Variants in PDE10A observed in about 807,000 individuals in gnomAD.
PDE10A encodes the protein phosphodiesterase 10A.
In PDE10A, 39 loss-of-function variants were observed where a neutral mutation model predicts 97.7. That is an observed-to-expected ratio of 0.40 (90% CI 0.31 to 0.52). The LOEUF (loss-of-function observed/expected upper bound fraction) is 0.52, where lower values mean the gene tolerates loss of function less well. PDE10A is among the 20% of genes least tolerant of loss of function. The probability of loss-of-function intolerance (pLI) is 0.56; values close to 1 mark genes in which losing one functional copy is unlikely to be tolerated. For synonymous variants in PDE10A, 371 were observed against 376.8 expected (o/e 0.98, Z 0.18); for missense variants, 731 against 1,047.8 (o/e 0.70, Z 4.17).
chr6:165,778,204 G>A (rs1778247092), intron 1 of PDE10A, among the ~76,000 whole-genome samples: 3 of 152,134 alleles, frequency 2.0e-5, no homozygotes, highest in Admixed American at 2.0e-4. Flanking sequence ...CCGAGTAGCT[G>A]GGACTACAGG....
At chr6:165,515,910 A>G (rs1781777351) in intron 2 of PDE10A, among the ~76,000 whole-genome samples, 1 of 152,132 alleles carries the variant, frequency 6.6e-6, no homozygotes, top group Non-Finnish European at 1.5e-5. Flanking sequence ...TTCTATTTAT[A>G]TTTTAAAACA....
chr6:165,436,329 T>C (rs1790013389), intron 5 of PDE10A, among the ~76,000 whole-genome samples: 1 of 152,174 alleles, frequency 6.6e-6, no homozygotes, highest in Admixed American at 6.5e-5. Context: ...ATGAGACAGG[T>C]ATTATTTATT....
At chr6:165,416,889 A>T (rs1788356228) in intron 11 of PDE10A, among the ~76,000 whole-genome samples, 1 of 152,208 alleles carries the variant, frequency 6.6e-6, no homozygotes, top group South Asian at 2.1e-4. Flanking sequence ...AAATAATCAA[A>T]ATACAAGGAT....
chr6:165,401,970 T>C (rs571186985), intron 13 of PDE10A, among the ~76,000 whole-genome samples: 1 of 152,286 alleles, frequency 6.6e-6, no homozygotes, highest in South Asian at 2.1e-4. Context: ...TTACTCAGTA[T>C]TTACTGTAAA....
At chr6:165,867,689 T>A (rs1357674426) in intron 1 of PDE10A, among the ~76,000 whole-genome samples, 1 of 151,930 alleles carries the variant, frequency 6.6e-6, no homozygotes, top group Non-Finnish European at 1.5e-5. Flanking sequence ...TAACAGACAT[T>A]TAAAGAACAT....
At chr6:165,921,622 A>G (rs1258380390) in intron 1 of PDE10A, among the ~76,000 whole-genome samples, 1 of 152,198 alleles carries the variant, frequency 6.6e-6, no homozygotes, top group Non-Finnish European at 1.5e-5. Flanking sequence ...ACAGATCAAA[A>G]GGGGTGAGGC....
At chr6:165,556,098 T>G (rs1248057530) in intron 1 of PDE10A, among the ~76,000 whole-genome samples, 1 of 152,212 alleles carries the variant, frequency 6.6e-6, no homozygotes, top group East Asian at 1.9e-4. Flanking sequence ...GTTAATAAAC[T>G]TATGTTATTG....
rs1474177342 is a variant in PDE10A at position 165,369,242 on chromosome 6, G to A, written c.2783+9952C>T. Among the ~76,000 whole-genome samples the A allele has an allele frequency of 7.9e-5, 12 of 152,236 alleles. No homozygotes were observed. The South Asian group carries it at 8.3e-4, about 11-fold the overall frequency. On this transcript the variant is annotated intron_variant, in intron 18 of 21. Transcript: ENST00000539869. ...AAGCTGGATGGAGAATGACTTTGACGAGCTGAGAGCAGAAGGCTTCAGACG... is the reference window on the plus strand; with the variant it reads ...AAGCTGGATGGAGAATGACTTTGACAAGCTGAGAGCAGAAGGCTTCAGACG...
chr6:165,811,218 G>A (rs923094589), intron 1 of PDE10A, among the ~76,000 whole-genome samples: 17 of 152,204 alleles, frequency 1.1e-4, no homozygotes, highest in Admixed American at 5.2e-4. Flanking sequence ...GCAAGACTCC[G>A]TCTCAAAAAA....
intron 1 of PDE10A, among the ~76,000 whole-genome samples, chr6:165,862,775 T>C (rs1056738791): frequency 6.0e-5 from 9 of 150,682 alleles, no homozygotes; most frequent in Admixed American, 2.0e-4. Flanking sequence ...TCCTCCCAGG[T>C]TCAAGCAATT....
intron 1 of PDE10A, among the ~76,000 whole-genome samples, chr6:165,851,642 A>C (rs1428311982): frequency 1.3e-5 from 2 of 152,164 alleles, no homozygotes; most frequent in Non-Finnish European, 2.9e-5. Flanking sequence ...ATCATGCAGG[A>C]AGTGAGATTT....
intron 1 of PDE10A, among the ~76,000 whole-genome samples, chr6:165,632,678 T>G (rs1384922772): frequency 6.6e-6 from 1 of 152,212 alleles, no homozygotes; most frequent in African/African-American, 2.4e-5. Flanking sequence ...AGCGAATTTC[T>G]GCCCCAATGA....
chr6:165,626,841 T>A (rs781699195), intron 1 of PDE10A, among the ~76,000 whole-genome samples: 15 of 152,174 alleles, frequency 9.9e-5, no homozygotes, highest in Non-Finnish European at 2.2e-4. Context: ...GAGGGTCCTA[T>A]CTGGAGCATC....
chr6:165,629,738 T>TGC (rs1788547604), intron 1 of PDE10A, among the ~76,000 whole-genome samples: 1 of 152,122 alleles, frequency 6.6e-6, no homozygotes, highest in Admixed American at 6.5e-5. Flanking sequence ...TTCACCATAT[T>TGC]GCCCAGGCTG....
intron 2 of PDE10A, among the ~76,000 whole-genome samples, chr6:165,518,968 T>G (rs1331742333): frequency 1.3e-5 from 2 of 152,144 alleles, no homozygotes; most frequent in Non-Finnish European, 2.9e-5. Flanking sequence ...TGCATATCAG[T>G]GCATACAGGG....
Position 165,754,566 on chromosome 6 carries a change from C to CTA in PDE10A, c.-614-211000_-614-210999dup, listed in dbSNP as rs754604707. On this transcript the variant is annotated intron_variant, in intron 1 of 19. Coordinates refer to the PDE10A transcript ENST00000366882. ...GATATAGGCAACCAAAAGTTTCTCT[C>CTA]TATATATATATATATGTGTGTGTAT... Among the ~76,000 whole-genome samples the CTA allele has an allele frequency of 3.3e-4, 48 of 145,482 alleles. No individual in the cohort carries two copies. In the East Asian group the frequency reaches 7.9e-3, roughly 24 times the overall value.
intron 1 of PDE10A, among the ~76,000 whole-genome samples, chr6:165,617,615 G>GTC (rs1269109477): frequency 6.6e-6 from 1 of 152,082 alleles, no homozygotes; most frequent in Non-Finnish European, 1.5e-5. Flanking sequence ...CTGCGATTAG[G>GTC]GTGAACACTG....
At chr6:165,826,647 G>A (rs1017251721) in intron 1 of PDE10A, among the ~76,000 whole-genome samples, 4 of 152,110 alleles carry the variant, frequency 2.6e-5, no homozygotes, top group Admixed American at 6.5e-5. Flanking sequence ...GGGGGAGGCC[G>A]AGGTACCCCC....
At chr6:165,672,587 T>G (rs1790676478) in intron 1 of PDE10A, among the ~76,000 whole-genome samples, 1 of 152,190 alleles carries the variant, frequency 6.6e-6, no homozygotes, top group African/African-American at 2.4e-5. Context: ...TGGGAGATAA[T>G]TGAATCATGA....
Sources: gnomAD v4.1 joint callset for allele counts (sites outside exome capture counted in the v4.1 genomes callset) on GRCh38, gnomAD v4.1.1 for gene constraint, MANE v1.5 for transcripts, NCBI Gene and HGNC (gene_info 2026-07-23, HGNC 2026-07-21) for gene names.